The following ADAM10 variants were observed in gnomAD, a reference collection of about 807,000 sequenced individuals.
The protein encoded by ADAM10 is disintegrin and metalloproteinase domain-containing protein 10.
In ADAM10, 17 loss-of-function variants were observed where a neutral mutation model predicts 90.1. The observed-to-expected ratio is 0.19, with a 90% confidence interval of 0.13 to 0.28. The LOEUF is 0.28. Among genes scored for constraint, ADAM10 ranks in the 10% least tolerant of loss-of-function variants. The pLI, the probability that ADAM10 is intolerant of heterozygous loss-of-function variation, is 1.00. For missense variants in ADAM10, 610 were observed against 914.3 expected (o/e 0.67, Z 4.29); for synonymous variants, 310 against 298.6 (o/e 1.04, Z -0.40).
chr15:58,747,507 T>C (rs1899829776), intron 1 of ADAM10: 3 of 152,208 alleles, frequency 2.0e-5, no homozygotes, highest in Non-Finnish European at 4.4e-5. Flanking sequence ...CTACAAATCA[T>C]CATACAAAGA....
At chr15:58,618,139 G>A (rs1286107458) in intron 11 of ADAM10, among the ~76,000 whole-genome samples, 1 of 152,106 alleles carries the variant, frequency 6.6e-6, no homozygotes, top group African/African-American at 2.4e-5. Context: ...CAAAGCTATA[G>A]CAACTAAAAC....
chr15:58,701,477 A>G (rs1437968970), intron 2 of ADAM10, among the ~76,000 whole-genome samples: 1 of 152,252 alleles, frequency 6.6e-6, no homozygotes, highest in Non-Finnish European at 1.5e-5. Context: ...TTAAAAAGAT[A>G]ATAAATAACA....
At chr15:58,611,726 T>C in intron 12 of ADAM10, 82 bp downstream of exon 12, 1 of 1,319,088 alleles carries the variant, frequency 7.6e-7, no homozygotes, top group South Asian at 1.3e-5. Context: ...TTACTTTAAC[T>C]ATGTAGCTTT....
intron 8 of ADAM10, among the ~76,000 whole-genome samples, chr15:58,639,523 T>C (rs1246516647): frequency 6.6e-6 from 1 of 152,180 alleles, no homozygotes; most frequent in African/African-American, 2.4e-5. Context: ...GTTTCGAACA[T>C]GAAAAATCAT....
rs186638978 is a variant in ADAM10, at chr15:58,646,315, T to C, written c.586-111A>G. On this transcript the variant is annotated intron_variant, in intron 5 of 15. Coordinates refer to ENST00000260408, the MANE Select transcript of ADAM10 (RefSeq NM_001110.4). ...TCATATTCTGCTTTATATAACACCA[T>C]AGGTATTTCTGCTGCCATTAAAAGT... 490 of 1,093,594 alleles carry C rather than the reference T, an allele frequency of 4.5e-4. 1 individual carries two copies. In the African/African-American group the frequency reaches 6.6e-3, roughly 15 times the overall value. The allele number at this position is 1,093,594 out of a possible 1,614,324, so 67.7% of individuals were successfully genotyped here.
chr15:58,598,077 A>C (rs1895004924), intron 15 of ADAM10, among the ~76,000 whole-genome samples: 1 of 152,210 alleles, frequency 6.6e-6, no homozygotes, highest in Non-Finnish European at 1.5e-5. Flanking sequence ...GGAATTACTA[A>C]GTGTCTTTGA....
intron 2 of ADAM10, among the ~76,000 whole-genome samples, chr15:58,706,130 T>G (rs2140798202): frequency 6.6e-6 from 1 of 152,278 alleles, no homozygotes; most frequent in East Asian, 1.9e-4. Flanking sequence ...GTTCTAATAC[T>G]CAGAAGAAAA....
chr15:58,634,454 C>G (rs556925125), intron 8 of ADAM10, among the ~76,000 whole-genome samples: 1 of 152,228 alleles, frequency 6.6e-6, no homozygotes, highest in African/African-American at 2.4e-5. Context: ...CATATTTCCA[C>G]TTAAATATTT....
At position 58,667,272 on chromosome 15, in the gene ADAM10, G is replaced by C. The variant is rs548290125; in HGVS notation, c.485-2075C>G. On this transcript the variant is annotated intron_variant, in intron 4 of 15. Coordinates refer to ENST00000260408, the MANE Select transcript of ADAM10 (RefSeq NM_001110.4). ...GTTGTTCAAGACACAAATATAAATAGTACATATATTGTGACTCTAACTCAA... is the reference window on the plus strand; with the variant it reads ...GTTGTTCAAGACACAAATATAAATACTACATATATTGTGACTCTAACTCAA... 5.3e-5 allele frequency among the ~76,000 whole-genome samples: 8 copies of C among 152,204 alleles called. 1 individual carries two copies. The South Asian group carries it at 1.7e-3, about 32-fold the overall frequency.
At position 58,604,724 on chromosome 15, in the gene ADAM10, T is replaced by C. The variant is rs75519211; in HGVS notation, c.2026-5000A>G. Among the ~76,000 whole-genome samples the C allele has an allele frequency of 8.9e-3, 1,348 of 152,236 alleles. 32 individuals carry two copies. Among genetic ancestry groups the C allele is most frequent in the African/African-American group, 0.031 (1,273 of 41,536 alleles). ...AAACTGGTTTGGATATATTTAATGA[T>C]AGTCTTTTTAGTACCTACACACTCT... is the stretch of plus-strand genomic sequence containing the variant. On this transcript the variant is annotated intron_variant, in intron 14 of 15. Transcript: ENST00000260408.
intron 5 of ADAM10, among the ~76,000 whole-genome samples, chr15:58,662,376 G>A (rs1446452019): frequency 7.2e-5 from 11 of 152,016 alleles, no homozygotes; most frequent in Non-Finnish European, 1.6e-4. Context: ...GCTGCTGCCC[G>A]GGCTGGGGTG....
chr15:58,712,850 GC>G (rs1898521518), intron 2 of ADAM10, among the ~76,000 whole-genome samples: 1 of 151,892 alleles, frequency 6.6e-6, no homozygotes, highest in African/African-American at 2.4e-5. Flanking sequence ...GACAGGAACG[GC>G]AGGACAACAT....
At chr15:58,655,892 G>A (rs1384920003) in intron 5 of ADAM10, among the ~76,000 whole-genome samples, 1 of 149,532 alleles carries the variant, frequency 6.7e-6, no homozygotes, top group Non-Finnish European at 1.5e-5. Flanking sequence ...GATTACAGAT[G>A]CCCACCACCA....
intron 1 of ADAM10, among the ~76,000 whole-genome samples, chr15:58,722,878 C>T (rs1490637111): frequency 6.6e-6 from 1 of 151,742 alleles, no homozygotes; most frequent in Non-Finnish European, 1.5e-5. Context: ...GCTACAGGCA[C>T]GCACCACTAT....
intron 2 of ADAM10, among the ~76,000 whole-genome samples, chr15:58,685,743 G>A (rs1251415206): frequency 1.3e-5 from 2 of 151,454 alleles, no homozygotes; most frequent in African/African-American, 4.8e-5. Context: ...GGGAGGGAAG[G>A]ATACCTCATT....
intron 2 of ADAM10, among the ~76,000 whole-genome samples, chr15:58,714,711 C>T (rs1411907187): frequency 2.0e-5 from 3 of 151,476 alleles, no homozygotes; most frequent in Non-Finnish European, 4.4e-5. Flanking sequence ...AAAACATATT[C>T]GTATTAAATA....
Position 58,679,248 on chromosome 15 carries a change from A to G in ADAM10, c.360T>C (p.Ile120=). 6.2e-7 allele frequency: 1 copy of G among 1,614,088 alleles called. No individual in the cohort carries two copies. The highest frequency in any genetic ancestry group is 8.5e-7 in the Non-Finnish European group (1 of 1,180,016). ...GGATGAATCCTTCAAATCTTCCATC[A>G]ATAACAGACCCATGGCTAAAACTTC... ...EEGSFSHGSV[I]DGRFEGFIQT... Residue 120 remains isoleucine (I), a synonymous_variant, in exon 4 of 16, where the codon ATT becomes ATC. Coordinates refer to ENST00000260408, the MANE Select transcript of ADAM10 (RefSeq NM_001110.4).
At chr15:58,661,617 A>G (rs564103287) in intron 5 of ADAM10, among the ~76,000 whole-genome samples, 1 of 152,010 alleles carries the variant, frequency 6.6e-6, no homozygotes, top group Admixed American at 6.5e-5. Context: ...ATTGTAACAT[A>G]CCCTGGTATG....
chr15:58,717,474 A>C, intron 2 of ADAM10, 103 bp downstream of exon 2: 1 of 1,427,206 alleles, frequency 7.0e-7, no homozygotes, highest in Non-Finnish European at 9.7e-7. Flanking sequence ...TTTCCAAATG[A>C]AGACCTTGCA....
Sources: allele counts gnomAD v4.1 joint callset (sites outside exome capture counted in the v4.1 genomes callset), GRCh38; gene constraint gnomAD v4.1.1; transcripts MANE v1.5; gene names NCBI Gene and HGNC (gene_info 2026-07-23, HGNC 2026-07-21).